Variants in PARG observed in about 807,000 individuals in gnomAD.
The protein encoded by PARG is mitochondrial poly(ADP-ribose) glycohydrolase.
Under a neutral mutation model 113.0 loss-of-function variants are expected in PARG, and 35 were observed. The observed-to-expected ratio is 0.31, with a 90% CI of 0.24 to 0.41. The LOEUF (loss-of-function observed/expected upper bound fraction) is 0.41, where lower values mean the gene tolerates loss of function less well. PARG is among the 10% of genes least tolerant of loss of function. The pLI is 1.00. For missense variants in PARG, 797 were observed against 1,169.4 expected (o/e 0.68, Z 4.64); for synonymous variants, 330 against 409.9 (o/e 0.81, Z 2.36).
chr10:49,931,536 G>A (rs1487754818), intron 4 of PARG, among the ~76,000 whole-genome samples: 2 of 151,810 alleles, frequency 1.3e-5, no homozygotes, highest in African/African-American at 4.8e-5. Flanking sequence ...CAGCACAAGA[G>A]GACAGCTTCA....
intron 6 of PARG, 134 bp downstream of exon 6, chr10:49,922,202 G>A: frequency 6.0e-6 from 5 of 837,216 alleles, no homozygotes; most frequent in Non-Finnish European, 5.6e-6. Flanking sequence ...GTCTCTAAGG[G>A]GCCTTCCTTA....
At position 49,933,979 on chromosome 10, in the gene PARG, A is replaced by G. The variant is rs1320002840; in HGVS notation, c.469T>C (p.Trp157Arg). ...TCCGTGTGTTTCCCTTCATTTTGCC[A>G]CTTACACATTGCTGCAGTCTGATGC... is the stretch of plus-strand genomic sequence containing the variant. ...NQHQTAAMCKWQNEGKHTEQL... is the reference protein window; with the variant it reads ...NQHQTAAMCKRQNEGKHTEQL... The change falls in exon 3 of 18, where the codon TGG becomes CGG. Residue 157 changes from tryptophan to arginine, a missense_variant. By Grantham distance (101) the Trp-to-Arg change is moderately radical (BLOSUM62 -3). Around this residue, in one of 5 missense-constraint regions of PARG, gnomAD observed 284 missense variants for 306.1 expected, o/e 0.93. Transcript: ENST00000616448. The G allele has an allele frequency of 5.0e-6, 8 of 1,603,516 alleles. No homozygotes were observed. Among genetic ancestry groups the G allele is most frequent in the Non-Finnish European group, 6.8e-6 (8 of 1,170,386 alleles).
At chr10:49,907,247 C>T (rs572439170) in intron 7 of PARG, among the ~76,000 whole-genome samples, 2 of 152,318 alleles carry the variant, frequency 1.3e-5, no homozygotes, top group East Asian at 3.9e-4. Context: ...CTAAAAACTT[C>T]ATTAACACAC....
rs1554839106 is a variant in PARG, at chr10:49,879,846, A to C, written c.1831-16T>G. Reference sequence around the variant, plus strand: ...GTGGTATTGGCTGATAAAAGAAACAAAAAAATACAGACGAGAAGAGCAATA... The same window carrying C: ...GTGGTATTGGCTGATAAAAGAAACACAAAAATACAGACGAGAAGAGCAATA... On this transcript the variant is annotated splice_polypyrimidine_tract_variant and intron_variant, in intron 8 of 17. Transcript: ENST00000616448. The C allele has an allele frequency of 4.0e-6, 4 of 994,418 alleles. No homozygotes were observed. In the African/African-American group the frequency reaches 6.4e-5, roughly 16 times the overall value. The allele number at this position is 994,418 out of a possible 1,614,324, so 61.6% of individuals were successfully genotyped here.
chr10:49,839,102 C>T (rs952406105), intron 15 of PARG, among the ~76,000 whole-genome samples: 10 of 151,878 alleles, frequency 6.6e-5, no homozygotes, highest in Admixed American at 2.6e-4. Context: ...TTTGGGAGGC[C>T]GAGATGGGCA....
rs189110614 is a variant in PARG, at chr10:49,864,163, A to G, written c.2129+1158T>C. Among the ~76,000 whole-genome samples, 280 of 152,092 alleles carry G rather than the reference A, an allele frequency of 1.8e-3. 1 individual carries two copies. Among genetic ancestry groups the G allele is most frequent in the African/African-American group, 6.5e-3 (270 of 41,480 alleles). Reference sequence around the variant, plus strand: ...CAGTCTTCTGTCTGTTGCAGGTATTACAGAGCTGATCAAGAGTTTTAGCAG... The same window carrying G: ...CAGTCTTCTGTCTGTTGCAGGTATTGCAGAGCTGATCAAGAGTTTTAGCAG... On this transcript the variant is annotated intron_variant, in intron 11 of 17. Coordinates refer to ENST00000616448, the MANE Select transcript of PARG (RefSeq NM_003631.5).
At chr10:49,888,683 G>T (rs1354141646) in intron 7 of PARG, among the ~76,000 whole-genome samples, 1 of 152,088 alleles carries the variant, frequency 6.6e-6, no homozygotes, top group Non-Finnish European at 1.5e-5. Context: ...TGTAATTATA[G>T]TATGTCTTGG....
chr10:49,880,646 C>T (rs1847169435), intron 8 of PARG, among the ~76,000 whole-genome samples: 1 of 152,020 alleles, frequency 6.6e-6, no homozygotes, highest in Non-Finnish European at 1.5e-5. Flanking sequence ...TCCTCTCGAC[C>T]AAGGGGATTC....
At chr10:49,822,409 G>A (rs1437563185) in intron 16 of PARG, among the ~76,000 whole-genome samples, 3 of 152,144 alleles carry the variant, frequency 2.0e-5, no homozygotes, top group African/African-American at 7.2e-5. Context: ...GCTATAGTTT[G>A]GACAAGAAAG....
intron 9 of PARG, among the ~76,000 whole-genome samples, chr10:49,876,527 G>A (rs1231719736): frequency 3.3e-5 from 5 of 152,038 alleles, no homozygotes; most frequent in African/African-American, 4.8e-5. Flanking sequence ...TTAATAAAAC[G>A]TCATGGTGCT....
intron 7 of PARG, among the ~76,000 whole-genome samples, chr10:49,897,641 T>C (rs1848153719): frequency 6.6e-6 from 1 of 152,212 alleles, no homozygotes; most frequent in Admixed American, 6.5e-5. Context: ...CAAAGTATCC[T>C]TGCAAGATAG....
intron 3 of PARG, 54 bp downstream of exon 3, chr10:49,933,123 C>T: frequency 7.4e-7 from 1 of 1,345,576 alleles, no homozygotes; most frequent in Non-Finnish European, 1.0e-6. Context: ...AACTCCCTTA[C>T]AAAACTATAA....
intron 7 of PARG, among the ~76,000 whole-genome samples, chr10:49,904,246 T>C (rs1848471737): frequency 6.6e-6 from 1 of 151,888 alleles, no homozygotes; most frequent in Non-Finnish European, 1.5e-5. Context: ...ACAAGGCTAG[T>C]TTTAGGTACT....
At chr10:49,899,877 A>G (rs1169568283) in intron 7 of PARG, among the ~76,000 whole-genome samples, 1 of 152,214 alleles carries the variant, frequency 6.6e-6, no homozygotes, top group Non-Finnish European at 1.5e-5. Context: ...GGAAATACTG[A>G]TAAAAATCAC....
At chr10:49,920,266 C>A (rs368268260) in intron 6 of PARG, among the ~76,000 whole-genome samples, 349 of 150,954 alleles carry the variant, frequency 2.3e-3, no homozygotes, top group East Asian at 0.017. Flanking sequence ...CACAGAGAAA[C>A]CCCGTCTCTA....
chr10:49,939,914 T>C (rs1838941076), intron 1 of PARG, among the ~76,000 whole-genome samples: 1 of 152,200 alleles, frequency 6.6e-6, no homozygotes, highest in Admixed American at 6.5e-5. Context: ...TGTTAACGAA[T>C]GCATCCTTTT....
intron 7 of PARG, among the ~76,000 whole-genome samples, chr10:49,911,070 G>C (rs1247783848): frequency 4.6e-5 from 7 of 152,134 alleles, no homozygotes. Flanking sequence ...ATCACCTGAG[G>C]TCAGGAGTTC....
At chr10:49,940,564 C>A (rs2133018830) in intron 1 of PARG, among the ~76,000 whole-genome samples, 1 of 151,986 alleles carries the variant, frequency 6.6e-6, no homozygotes, top group African/African-American at 2.4e-5. Context: ...GTTGCCCAGG[C>A]TGGAGTGCAA....
At position 49,841,208 on chromosome 10, in the gene PARG, A is replaced by T. The variant is rs143412989; in HGVS notation, c.2541+742T>A. ...GCGGAGGTTGCAGTGAGCCAAGATCATGCCATTGCACTCCAGCCTGGGCCA... is the reference window on the plus strand; with the variant it reads ...GCGGAGGTTGCAGTGAGCCAAGATCTTGCCATTGCACTCCAGCCTGGGCCA... On this transcript the variant is annotated intron_variant, in intron 15 of 17. Transcript: ENST00000616448. Among the ~76,000 whole-genome samples the T allele has an allele frequency of 3.4e-3, 515 of 152,126 alleles. 10 individuals carry two copies. In the East Asian group the frequency reaches 0.042, roughly 13 times the overall value.
Sources: allele counts gnomAD v4.1 joint callset (sites outside exome capture counted in the v4.1 genomes callset), GRCh38; gene constraint gnomAD v4.1.1; regional missense constraint gnomAD v4.1.1; transcripts MANE v1.5; gene names NCBI Gene and HGNC (gene_info 2026-07-23, HGNC 2026-07-21).